CFAP43: variants seen among roughly 807,000 people sequenced by gnomAD.
The protein encoded by CFAP43 is cilia- and flagella-associated protein 43.
CFAP43 carries 155 observed loss-of-function variants against 218.9 expected under a neutral mutation model. That is an observed-to-expected ratio of 0.71 (90% CI 0.62 to 0.81). CFAP43 has a LOEUF of 0.81. Ranked by LOEUF, CFAP43 falls within the 30% of genes least tolerant of loss-of-function variation. The pLI is 0.00. For synonymous variants in CFAP43, 645 were observed against 681.3 expected (o/e 0.95, Z 0.83); for missense variants, 1,778 against 1,954.3 (o/e 0.91, Z 1.70).
chr10:104,139,987 G>T (rs2087632421), intron 34 of CFAP43, among the ~76,000 whole-genome samples: 1 of 152,058 alleles, frequency 6.6e-6, no homozygotes, highest in Non-Finnish European at 1.5e-5. Context: ...CAAATATTTA[G>T]AAATTAAATA....
chr10:104,200,780 C>G (rs958243282), intron 8 of CFAP43, among the ~76,000 whole-genome samples: 6 of 151,106 alleles, frequency 4.0e-5, no homozygotes, highest in Non-Finnish European at 2.9e-5. Context: ...TACAAAGACT[C>G]TGAGGGAGAA....
chr10:104,220,737 A>G (rs1341961113), intron 3 of CFAP43, among the ~76,000 whole-genome samples: 1 of 152,220 alleles, frequency 6.6e-6, no homozygotes. Context: ...CTTTGTTGTC[A>G]TAATACATAC....
chr10:104,222,683 T>A (rs1564816294), intron 3 of CFAP43, among the ~76,000 whole-genome samples: 1 of 152,096 alleles, frequency 6.6e-6, no homozygotes, highest in East Asian at 1.9e-4. Context: ...AGGGGAAGGG[T>A]TGGGACCGGG....
At chr10:104,198,071 G>A (rs1358417865) in intron 8 of CFAP43, 33 bp from the exon 9 acceptor site, 1 of 1,303,932 alleles carries the variant, frequency 7.7e-7, no homozygotes, top group Non-Finnish European at 1.1e-6. Flanking sequence ...GAAACACATT[G>A]TAATTGTTGT....
rs114053898 is a variant in CFAP43 at position 104,205,536 on chromosome 10, G to A, written c.963+427C>T. Among the ~76,000 whole-genome samples, 827 of 152,190 alleles carry A rather than the reference G, an allele frequency of 5.4e-3. 7 individuals carry two copies. The highest frequency in any genetic ancestry group is 0.018 in the African/African-American group (757 of 41,512). ...AAATGGAGGCTATTAATACTGATTC[G>A]AATATCAACAATAACATTATGATAC... On this transcript the variant is annotated intron_variant, in intron 7 of 37. Transcript: ENST00000357060.
chr10:104,129,911 T>C lies in CFAP43; in HGVS notation c.*228A>G, dbSNP rs2087103594. On this transcript the variant is annotated 3_prime_UTR_variant, in exon 38 of 38. Transcript: ENST00000357060. ...AATACTTTCTGACTTCAAGTCTTGTTTATTCTTGAATAAAAACAGCAATTC... is the reference window on the plus strand; with the variant it reads ...AATACTTTCTGACTTCAAGTCTTGTCTATTCTTGAATAAAAACAGCAATTC... 2 of 425,542 alleles carry C rather than the reference T, an allele frequency of 4.7e-6. No individual in the cohort carries two copies. The highest frequency in any genetic ancestry group is 8.1e-6 in the Non-Finnish European group (2 of 246,764). The allele number at this position is 425,542 out of a possible 1,614,324, so 26.4% of individuals were successfully genotyped here.
intron 8 of CFAP43, 97 bp downstream of exon 8, chr10:104,203,575 C>G (rs1471878087): frequency 3.6e-5 from 43 of 1,181,844 alleles, no homozygotes; most frequent in Non-Finnish European, 4.7e-5. Context: ...AAGTAGAGTA[C>G]CACTGTGCAG....
intron 3 of CFAP43, among the ~76,000 whole-genome samples, chr10:104,221,803 C>G (rs1206587368): frequency 1.3e-5 from 2 of 152,100 alleles, no homozygotes; most frequent in African/African-American, 4.8e-5. Context: ...TGAGGACCAT[C>G]ATAGATGTCT....
chr10:104,176,237 G>T (rs940459992), intron 19 of CFAP43, among the ~76,000 whole-genome samples: 1 of 152,130 alleles, frequency 6.6e-6, no homozygotes, highest in Non-Finnish European at 1.5e-5. Context: ...TTGCAAATCA[G>T]CAGAGAAAGG....
intron 34 of CFAP43, among the ~76,000 whole-genome samples, chr10:104,134,774 G>C (rs1047325692): frequency 2.0e-5 from 3 of 152,046 alleles, no homozygotes; most frequent in Admixed American, 6.5e-5. Context: ...GGACAAGAAG[G>C]CTTCACTGAT....
chr10:104,161,260 TAC>T, intron 26 of CFAP43, 98 bp from the exon 27 acceptor site: 1 of 1,325,556 alleles, frequency 7.5e-7, no homozygotes, highest in Non-Finnish European at 1.0e-6. Flanking sequence ...TTTAAAAGGA[TAC>T]AGTCCTTCAC....
At chr10:104,175,425 T>C (rs1198635607) in intron 19 of CFAP43, among the ~76,000 whole-genome samples, 1 of 152,166 alleles carries the variant, frequency 6.6e-6, no homozygotes, top group Non-Finnish European at 1.5e-5. Flanking sequence ...ATCCTGTCTC[T>C]AAATAAATAA....
At chr10:104,167,600 C>A in intron 22 of CFAP43, 21 bp downstream of exon 22, 1 of 1,558,462 alleles carries the variant, frequency 6.4e-7, no homozygotes, top group Non-Finnish European at 8.7e-7. Flanking sequence ...TATATAAACA[C>A]ATGTATATTT....
At position 104,182,501 on chromosome 10, in the gene CFAP43, T is replaced by C; in HGVS notation, c.2154A>G (p.Gly718=). The C allele has an allele frequency of 6.3e-7, 1 of 1,588,110 alleles. No homozygotes were observed. Among genetic ancestry groups the C allele is most frequent in the Non-Finnish European group, 8.5e-7 (1 of 1,172,290 alleles). Residue 718 remains glycine (G), a synonymous_variant, in exon 17 of 38, where the codon GGA becomes GGG. Coordinates refer to ENST00000357060, the MANE Select transcript of CFAP43 (RefSeq NM_025145.7). ...LVYLKWKRFG[G]HLASEILDYY... is the part of the protein sequence containing the mutation. ...AGTCCAGAATTTCACTGGCTAGGTG[T>C]CCTCCAAATCGCCTATATTAATAAA...
chr10:104,190,990 A>G (rs958793415), intron 12 of CFAP43, among the ~76,000 whole-genome samples: 12 of 152,232 alleles, frequency 7.9e-5, no homozygotes, highest in African/African-American at 2.9e-4. Flanking sequence ...AGACATGCTG[A>G]GGGCTTAGAA....
chr10:104,196,938 A>T lies in CFAP43; in HGVS notation c.1213-5T>A. 1 of 1,605,012 alleles carries T rather than the reference A, an allele frequency of 6.2e-7. No homozygotes were observed. The highest frequency in any genetic ancestry group is 8.5e-7 in the Non-Finnish European group (1 of 1,176,446). On this transcript the variant is annotated splice_polypyrimidine_tract_variant and splice_region_variant and intron_variant, in intron 9 of 37. Coordinates refer to ENST00000357060, the MANE Select transcript of CFAP43 (RefSeq NM_025145.7). ...TTCCCCTGAATATGTAAGTGTCTGT[A>T]AAAAAAGAAAAACAAAAACTCTACA...
At chr10:104,136,675 A>C (rs1454859363) in intron 34 of CFAP43, among the ~76,000 whole-genome samples, 1 of 152,144 alleles carries the variant, frequency 6.6e-6, no homozygotes, top group African/African-American at 2.4e-5. Flanking sequence ...CCTGATTCTT[A>C]GATTTAACAC....
In CFAP43 at chr10:104,145,490, A is replaced by G. The variant is rs550124982; in HGVS notation, c.3930T>C (p.Phe1310=). The change falls in exon 31 of 38, where the codon TTT becomes TTC. Residue 1310 remains phenylalanine, a synonymous_variant. Coordinates refer to ENST00000357060, the MANE Select transcript of CFAP43 (RefSeq NM_025145.7). ...GAGAAACAAACCTTGGTCGGCGTTTAAAAAGTTTGTAGAGTATATCCACTT... is the reference window on the plus strand; with the variant it reads ...GAGAAACAAACCTTGGTCGGCGTTTGAAAAGTTTGTAGAGTATATCCACTT... The part of the protein sequence containing the change: ...GHQVDILYKL[F]KRRPRISKQK... 545 of 1,596,308 alleles carry G rather than the reference A, an allele frequency of 3.4e-4. 5 individuals are homozygous for G. In the South Asian group the frequency reaches 5.3e-3, roughly 16 times the overall value.
At chr10:104,169,490 A>G (rs773036346) in intron 20 of CFAP43, among the ~76,000 whole-genome samples, 1 of 152,154 alleles carries the variant, frequency 6.6e-6, no homozygotes, top group East Asian at 1.9e-4. Context: ...ACTTGCTTAC[A>G]TAATCCTATT....
Sources: allele counts gnomAD v4.1 joint callset (sites outside exome capture counted in the v4.1 genomes callset), GRCh38; gene constraint gnomAD v4.1.1; transcripts MANE v1.5; gene names NCBI Gene and HGNC (gene_info 2026-07-23, HGNC 2026-07-21).